The following ZNF454 variants were observed in gnomAD, a reference collection of about 807,000 sequenced individuals.
ZNF454 encodes the protein zinc finger protein 454.
Under a neutral mutation model 48.2 loss-of-function variants are expected in ZNF454, and 30 were observed. That is an observed-to-expected ratio of 0.62 (90% CI 0.47 to 0.84). The LOEUF is 0.84. Ranked by LOEUF, ZNF454 falls within the 40% of genes least tolerant of loss-of-function variation. The pLI is 0.00. For missense variants in ZNF454, 510 were observed against 623.1 expected (o/e 0.82, Z 1.93); for synonymous variants, 204 against 211.4 (o/e 0.97, Z 0.30).
At chr5:178,983,760 A>C in the ZNF454 span, among the ~76,000 whole-genome samples, 2 of 152,342 alleles carry the variant, frequency 1.3e-5, no homozygotes, top group Non-Finnish European at 2.9e-5. Context: ...AGGCCCTCAC[A>C]GGGAGGAGAT....
At position 178,941,297 on chromosome 5, in the gene ZNF454, C is replaced by A; in HGVS notation, c.-255C>A. On this transcript the variant is annotated 5_prime_UTR_variant, in exon 1 of 5. In the 5' UTR this introduces an upstream ATG that the reference lacks. Transcript: ENST00000519564. This position sits in a 1 kb window ranked among gnomAD's most constrained non-coding sequence, Gnocchi z 5.5. Reference sequence around the variant, plus strand: ...AGGCTCCTCGAAGAGCGACACGGGGCTGACCAGGCACGGTGGTCAAAGCCG... The same window carrying A: ...AGGCTCCTCGAAGAGCGACACGGGGATGACCAGGCACGGTGGTCAAAGCCG... 1 of 438,322 alleles carries A rather than the reference C, an allele frequency of 2.3e-6. No individual in the cohort carries two copies. The highest frequency in any genetic ancestry group is 1.6e-5 in the South Asian group (1 of 61,000). The allele number at this position is 438,322 out of a possible 1,614,324, so 27.2% of individuals were successfully genotyped here. A position where few individuals can be genotyped will look rare whatever the true frequency, so the allele number is the denominator to read the frequency against.
chr5:178,965,812 T>C lies in ZNF454; in HGVS notation c.1408T>C (p.Cys470Arg). Residue 470 changes from cysteine (C) to arginine (R), a missense_variant, in exon 5 of 5, where the codon TGT becomes CGT. Cys to Arg is a radical substitution (Grantham distance 180). Coordinates refer to ENST00000519564, the MANE Select transcript of ZNF454 (RefSeq NM_001178089.3). This position sits in a 1 kb window ranked among gnomAD's most constrained non-coding sequence, Gnocchi z 5.2. The stretch of plus-strand genomic sequence containing the variant: ...TCATACTAGGGAAAAACCTTACAAA[T>C]GTAAAATCTGTGAGAAAGCCTTTAT... ...RIHTREKPYK[C>R]KICEKAFIRS... The C allele has an allele frequency of 6.2e-7, 1 of 1,614,098 alleles. No individual in the cohort carries two copies. The highest frequency in any genetic ancestry group is 8.5e-7 in the Non-Finnish European group (1 of 1,180,030).
chr5:178,978,116 C>T, the ZNF454 span, among the ~76,000 whole-genome samples: 1 of 152,208 alleles, frequency 6.6e-6, no homozygotes, highest in African/African-American at 2.4e-5. Context: ...AGTTTTTCCC[C>T]TGTCAAAGCC....
chr5:178,966,206 G>C lies in ZNF454; in HGVS notation c.*233G>C. On this transcript the variant is annotated 3_prime_UTR_variant, in exon 5 of 5. Coordinates refer to ENST00000519564, the MANE Select transcript of ZNF454 (RefSeq NM_001178089.3). ...TGGGAGCACTTTGGGAGGCCGAGGTGGGCGGATCACGAGGTCAGGAGATCG... is the reference window on the plus strand; with the variant it reads ...TGGGAGCACTTTGGGAGGCCGAGGTCGGCGGATCACGAGGTCAGGAGATCG... 2.6e-6 allele frequency: 1 copy of C among 384,354 alleles called. No individual in the cohort carries two copies. The highest frequency in any genetic ancestry group is 6.9e-5 in the South Asian group (1 of 14,498). The allele number at this position is 384,354 out of a possible 1,614,324, so 23.8% of individuals were successfully genotyped here.
chr5:178,947,919 T>G (rs1348822623), intron 4 of ZNF454, among the ~76,000 whole-genome samples: 2 of 152,230 alleles, frequency 1.3e-5, no homozygotes, highest in African/African-American at 2.4e-5. Flanking sequence ...TCTCTTTATT[T>G]TTTTTTATTT....
At chr5:178,983,291 C>A in the ZNF454 span, 16 of 1,360,160 alleles carry the variant, frequency 1.2e-5, no homozygotes, top group East Asian at 1.4e-4. Flanking sequence ...CTGACAGAGG[C>A]CCCTGCGGGT....
chr5:178,948,906 AT>A (rs34296342), intron 4 of ZNF454, among the ~76,000 whole-genome samples: 89,013 of 136,302 alleles, frequency 0.65, 27,514 homozygotes, highest in African/African-American at 0.72. Context: ...ATGTACACAG[AT>A]TTTTTTTTTT....
intron 1 of ZNF454, among the ~76,000 whole-genome samples, chr5:178,942,165 A>C (rs1007339360): frequency 1.3e-5 from 2 of 152,116 alleles, no homozygotes; most frequent in Non-Finnish European, 2.9e-5. Flanking sequence ...GTACTTTGGG[A>C]GGCCGAGGCG....
intron 4 of ZNF454, among the ~76,000 whole-genome samples, chr5:178,962,418 A>G (rs1760035378): frequency 6.6e-6 from 1 of 151,146 alleles, no homozygotes. Flanking sequence ...TTTTTAAATA[A>G]TGTTTAGTTT....
At chr5:178,987,369 C>A in the ZNF454 span, 1 of 469,042 alleles carries the variant, frequency 2.1e-6, no homozygotes, top group Non-Finnish European at 4.3e-6. Context: ...GCCACGTTCA[C>A]AGCAGCGTTA....
rs1180035980 is a variant in ZNF454 at position 178,941,439 on chromosome 5, C to G, written c.-113C>G. The G allele has an allele frequency of 2.2e-6, 1 of 455,224 alleles. No homozygotes were observed. The highest frequency in any genetic ancestry group is 4.4e-6 in the Non-Finnish European group (1 of 226,494). 28.2% of individuals were successfully genotyped at this position (455,224 alleles called of 1,614,324 possible). A position where few individuals can be genotyped will look rare whatever the true frequency, so the allele number is the denominator to read the frequency against. ...CGCTGATCGAATGCCCCAAACTTCC[C>G]GGAATGTATGTCTGAGATTTGATCC... is the stretch of plus-strand genomic sequence containing the variant. On this transcript the variant is annotated 5_prime_UTR_variant, in exon 1 of 5. Transcript: ENST00000519564. This position sits in a 1 kb window ranked among gnomAD's most constrained non-coding sequence, Gnocchi z 5.5.
the ZNF454 span, chr5:178,986,908 G>A: frequency 4.5e-5 from 72 of 1,614,046 alleles, no homozygotes; most frequent in Middle Eastern, 9.9e-4. Flanking sequence ...GCCATTGGTC[G>A]CCTGGTACTG....
Position 178,946,633 on chromosome 5 carries a change from G to A in ZNF454, c.160+148G>A. ...ATTTTACCTGTCCTTGGTGTCCTGG[G>A]CACAGGCCTCTTTTGGAGTCCACTG... On this transcript the variant is annotated intron_variant, in intron 3 of 4. Transcript: ENST00000519564. The surrounding 1 kb of genome is among the most constrained non-coding windows in gnomAD (Gnocchi z 4.5). The A allele has an allele frequency of 8.6e-7, 1 of 1,166,006 alleles. No individual in the cohort carries two copies. The highest frequency in any genetic ancestry group is 1.2e-6 in the Non-Finnish European group (1 of 842,264). The allele number at this position is 1,166,006 out of a possible 1,614,324, so 72.2% of individuals were successfully genotyped here. A position where few individuals can be genotyped will look rare whatever the true frequency, so the allele number is the denominator to read the frequency against.
chr5:178,973,838 A>G, the ZNF454 span, among the ~76,000 whole-genome samples: 13 of 90,620 alleles, frequency 1.4e-4, no homozygotes, highest in East Asian at 4.8e-3. Context: ...GCAAGACTTC[A>G]TCTCAAAAAA....
intron 4 of ZNF454, among the ~76,000 whole-genome samples, chr5:178,952,390 C>G (rs2113220897): frequency 6.6e-6 from 1 of 152,310 alleles, no homozygotes; most frequent in South Asian, 2.1e-4. Context: ...CTTACACATT[C>G]CTATTCTTTG....
intron 4 of ZNF454, among the ~76,000 whole-genome samples, chr5:178,957,565 A>G (rs1759828416): frequency 6.6e-6 from 1 of 151,732 alleles, no homozygotes; most frequent in Non-Finnish European, 1.5e-5. Flanking sequence ...GCCTGCCACC[A>G]CGTCCAGCTA....
At position 178,949,799 on chromosome 5, in the gene ZNF454, T is replaced by G. The variant is rs111457027; in HGVS notation, c.250+2813T>G. Among the ~76,000 whole-genome samples, 603 of 152,072 alleles carry G rather than the reference T, an allele frequency of 4.0e-3. 4 individuals carry two copies. The highest frequency in any genetic ancestry group is 0.014 in the African/African-American group (574 of 41,488). ...GCCCAGCTAATTTTTGTATTTTTAG[T>G]AGAGATGGGGTTTTACCATGTTGGC... On this transcript the variant is annotated intron_variant, in intron 4 of 4. Transcript: ENST00000519564.
At chr5:178,958,861 TA>T (rs1207098291) in intron 4 of ZNF454, among the ~76,000 whole-genome samples, 1 of 152,226 alleles carries the variant, frequency 6.6e-6, no homozygotes, top group African/African-American at 2.4e-5. Flanking sequence ...GCCCCACTTT[TA>T]TTTTGTTGTC....
At chr5:178,986,954 C>T in the ZNF454 span, 14 of 1,613,874 alleles carry the variant, frequency 8.7e-6, no homozygotes, top group African/African-American at 5.3e-5. Context: ...TCTCCGTTCT[C>T]GTTGAACATC....
Sources: allele counts gnomAD v4.1 joint callset (sites outside exome capture counted in the v4.1 genomes callset), GRCh38; gene constraint gnomAD v4.1.1; non-coding constraint Gnocchi (gnomAD v3.1); transcripts MANE v1.5; gene names NCBI Gene and HGNC (gene_info 2026-07-23, HGNC 2026-07-21).